Variants in VPS35L observed in about 807,000 individuals in gnomAD.
VPS35L encodes the protein VPS35 endosomal protein sorting factor like, also known as VPS35 endosomal protein-sorting factor-like.
Under a neutral mutation model 133.0 loss-of-function variants are expected in VPS35L, and 83 were observed. The ratio of observed to expected loss-of-function variants is 0.62; its 90% CI spans 0.52 to 0.75. VPS35L has a LOEUF of 0.75. Ranked by LOEUF, VPS35L falls within the 30% of genes least tolerant of loss-of-function variation. The pLI, the probability that VPS35L is intolerant of heterozygous loss-of-function variation, is 0.00. For synonymous variants in VPS35L, 423 were observed against 449.9 expected (o/e 0.94, Z 0.76); for missense variants, 1,083 against 1,206.8 (o/e 0.90, Z 1.52).
At chr16:19,700,342 A>T (rs748802677) in intron 30 of VPS35L, 36 bp from the exon 31 acceptor site, 48 of 1,566,910 alleles carry the variant, frequency 3.1e-5, no homozygotes, top group Non-Finnish European at 3.8e-5. Context: ...AGGATAATGA[A>T]CCAGAAAGGA....
intron 26 of VPS35L, among the ~76,000 whole-genome samples, chr16:19,659,613 G>A (rs1974414327): frequency 6.6e-6 from 1 of 152,088 alleles, no homozygotes; most frequent in Admixed American, 6.5e-5. Context: ...TGGCCCCTAA[G>A]TCCTCAAACT....
chr16:19,660,137 C>T (rs921892940), intron 26 of VPS35L, among the ~76,000 whole-genome samples: 3 of 151,968 alleles, frequency 2.0e-5, no homozygotes. Context: ...CCAGCCCGGC[C>T]AACATGACAA....
rs556649295 is a variant in VPS35L, at chr16:19,695,007, GA to G, written c.2646+3552del. Among the ~76,000 whole-genome samples, 158 of 130,312 alleles carry G rather than the reference GA, an allele frequency of 1.2e-3. 1 individual carries two copies. Among genetic ancestry groups the G allele is most frequent in the Non-Finnish European group, 1.4e-3 (86 of 60,718 alleles). The allele number at this position is 130,312 out of a possible 152,430, so 85.5% of individuals were successfully genotyped here. On this transcript the variant is annotated intron_variant, in intron 29 of 30. Coordinates refer to ENST00000417362, the MANE Select transcript of VPS35L (RefSeq NM_020314.7). The stretch of plus-strand genomic sequence containing the variant: ...GGTGACAGAACGAGACTCTGTTTCA[GA>G]AAAAAAAAAAAAAAAGACAGAGCTC...
intron 28 of VPS35L, 148 bp downstream of exon 28, chr16:19,682,538 C>G (rs1975321983): frequency 1.1e-6 from 1 of 931,086 alleles, no homozygotes; most frequent in East Asian, 2.7e-5. Context: ...TTTACCTGAT[C>G]TAAGATTTAC....
At chr16:19,696,945 GC>G (rs1975933757) in intron 29 of VPS35L, among the ~76,000 whole-genome samples, 1 of 152,190 alleles carries the variant, frequency 6.6e-6, no homozygotes, top group African/African-American at 2.4e-5. Context: ...AGAAAGTGGG[GC>G]TCCCGTTCTC....
rs191915966 is a variant in VPS35L, at chr16:19,632,023, A to G, written c.1555-1069A>G. Among the ~76,000 whole-genome samples, 521 of 152,124 alleles carry G rather than the reference A, an allele frequency of 3.4e-3. 2 individuals carry two copies. The highest frequency in any genetic ancestry group is 0.012 in the African/African-American group (506 of 41,512). Reference sequence around the variant, plus strand: ...GTCACCCAGGCTGGAGTGCAGTGGCATGATCTCAGCTCACTGCAACCTCCG... The same window carrying G: ...GTCACCCAGGCTGGAGTGCAGTGGCGTGATCTCAGCTCACTGCAACCTCCG... On this transcript the variant is annotated intron_variant, in intron 18 of 30. Transcript: ENST00000417362.
At chr16:19,556,247 CTGACAGTATAA>C (rs1470331418) in intron 1 of VPS35L, among the ~76,000 whole-genome samples, 1 of 152,172 alleles carries the variant, frequency 6.6e-6, no homozygotes, top group Non-Finnish European at 1.5e-5. Context: ...CCTCAAGGAG[CTGACAGTATAA>C]TGGGGCAGAC....
chr16:19,599,156 T>A (rs1972305092), intron 8 of VPS35L, among the ~76,000 whole-genome samples: 1 of 152,234 alleles, frequency 6.6e-6, no homozygotes, highest in Non-Finnish European at 1.5e-5. Flanking sequence ...CAGGGGCTTC[T>A]AAATGGAGCC....
At chr16:19,606,149 C>T (rs1340744453) in intron 9 of VPS35L, among the ~76,000 whole-genome samples, 1 of 152,204 alleles carries the variant, frequency 6.6e-6, no homozygotes, top group Non-Finnish European at 1.5e-5. Flanking sequence ...TGCCTTTAGC[C>T]TGATTTCCAA....
intron 24 of VPS35L, among the ~76,000 whole-genome samples, chr16:19,648,550 T>C (rs1974025578): frequency 6.6e-6 from 1 of 152,138 alleles, no homozygotes; most frequent in African/African-American, 2.4e-5. Context: ...ACCAAAAGAA[T>C]TAATAACAGC....
At chr16:19,564,088 A>G (rs1449748317) in intron 1 of VPS35L, among the ~76,000 whole-genome samples, 6 of 151,864 alleles carry the variant, frequency 4.0e-5, no homozygotes, top group Admixed American at 3.9e-4. Flanking sequence ...AAATATATAT[A>G]TATTTTTTGA....
intron 27 of VPS35L, among the ~76,000 whole-genome samples, chr16:19,670,483 T>G (rs1176252948): frequency 6.6e-6 from 1 of 152,238 alleles, no homozygotes; most frequent in African/African-American, 2.4e-5. Flanking sequence ...ACTTCTGGGT[T>G]GCCATGAATA....
intron 18 of VPS35L, among the ~76,000 whole-genome samples, chr16:19,630,553 C>T (rs1973421288): frequency 6.6e-6 from 1 of 151,908 alleles, no homozygotes; most frequent in Non-Finnish European, 1.5e-5. Flanking sequence ...CCAGGATGGT[C>T]TCGATCTCCT....
intron 7 of VPS35L, chr16:19,587,353 G>A (rs763285084): frequency 7.9e-5 from 36 of 453,386 alleles, no homozygotes; most frequent in Non-Finnish European, 1.5e-4. Context: ...ACCAAGGCTG[G>A]GCGTGGTGGC....
chr16:19,670,131 C>T (rs913046075), intron 27 of VPS35L, among the ~76,000 whole-genome samples: 1 of 152,202 alleles, frequency 6.6e-6, no homozygotes, highest in African/African-American at 2.4e-5. Context: ...GTTATGTCCT[C>T]ATGTGACAGA....
At chr16:19,566,741 T>C (rs1288094438) in intron 2 of VPS35L, among the ~76,000 whole-genome samples, 2 of 152,128 alleles carry the variant, frequency 1.3e-5, no homozygotes, top group Non-Finnish European at 2.9e-5. Flanking sequence ...ATTTGAACAG[T>C]TGGCCCCCCC....
chr16:19,626,837 A>T (rs1973279485), intron 15 of VPS35L, among the ~76,000 whole-genome samples: 1 of 152,142 alleles, frequency 6.6e-6, no homozygotes, highest in East Asian at 1.9e-4. Context: ...CTAGGATGAA[A>T]TTGATCTCCC....
At chr16:19,663,697 T>TTTTTTTTTTG (rs869145297) in intron 26 of VPS35L, among the ~76,000 whole-genome samples, 2 of 112,072 alleles carry the variant, frequency 1.8e-5, no homozygotes, top group East Asian at 2.5e-4. Context: ...TTTTTTTTTT[T>TTTTTTTTTTG]ACATTTTGGA....
At chr16:19,625,821 C>A (rs1180315149) in intron 14 of VPS35L, among the ~76,000 whole-genome samples, 1 of 152,028 alleles carries the variant, frequency 6.6e-6, no homozygotes, top group East Asian at 1.9e-4. Context: ...TTACAGGCAC[C>A]CGCTATCACA....
Sources: gnomAD v4.1 joint callset for allele counts (sites outside exome capture counted in the v4.1 genomes callset) on GRCh38, gnomAD v4.1.1 for gene constraint, MANE v1.5 for transcripts, NCBI Gene and HGNC (gene_info 2026-07-23, HGNC 2026-07-21) for gene names.